The following SLCO3A1 variants were observed in gnomAD, a reference collection of about 807,000 sequenced individuals.
SLCO3A1 encodes the protein solute carrier organic anion transporter family member 3A1.
A neutral mutation model predicts 63.1 loss-of-function variants in SLCO3A1; 27 were observed. The ratio of observed to expected loss-of-function variants is 0.43; its 90% CI spans 0.32 to 0.59. The LOEUF is 0.59. Ranked by LOEUF, SLCO3A1 falls within the 20% of genes least tolerant of loss-of-function variation. The probability of loss-of-function intolerance (pLI) is 0.09; values close to 1 mark genes in which losing one functional copy is unlikely to be tolerated. For missense variants in SLCO3A1, 773 were observed against 945.8 expected (o/e 0.82, Z 2.40); for synonymous variants, 473 against 409.9 (o/e 1.15, Z -1.86).
chr15:92,125,051 A>T (rs2047904829), intron 5 of SLCO3A1, among the ~76,000 whole-genome samples: 1 of 152,200 alleles, frequency 6.6e-6, no homozygotes. Flanking sequence ...GAGATATTAT[A>T]TGTCATTTTA....
intron 2 of SLCO3A1, among the ~76,000 whole-genome samples, chr15:92,054,122 A>G (rs1444660282): frequency 1.3e-5 from 2 of 152,202 alleles, no homozygotes; most frequent in Non-Finnish European, 2.9e-5. Flanking sequence ...TCCTCAAGGC[A>G]TTCCAGCTTT....
rs746253398 is a variant in SLCO3A1 at position 92,147,069 on chromosome 15, A to C, written c.1598A>C (p.Gln533Pro). Residue 533 changes from glutamine to proline, a missense_variant, in exon 8 of 10, where the codon CAA becomes CCA. Transcript: ENST00000318445. Reference protein sequence around the residue: ...VPGKCPSPGCQEAFLTFLCVM... With the variant: ...VPGKCPSPGCPEAFLTFLCVM... The stretch of plus-strand genomic sequence containing the variant: ...GGAAAATGCCCCAGTCCTGGGTGCC[A>C]AGAGGCCTTCCTCACTTTCCTCTGT... The C allele has an allele frequency of 6.2e-7, 1 of 1,614,222 alleles. No homozygotes were observed. Among genetic ancestry groups the C allele is most frequent in the East Asian group, 2.2e-5 (1 of 44,882 alleles).
chr15:92,146,884 G>C, intron 7 of SLCO3A1, 100 bp from the exon 8 acceptor site: 1 of 1,101,298 alleles, frequency 9.1e-7, no homozygotes. Flanking sequence ...GAATGCCACA[G>C]AATGTGTAAT....
chr15:92,116,338 C>T (rs1047215615), intron 4 of SLCO3A1, among the ~76,000 whole-genome samples: 1 of 152,224 alleles, frequency 6.6e-6, no homozygotes. Context: ...TAAAGACTAG[C>T]AGTAGAAAAC....
rs575311890 is a variant in SLCO3A1 at position 91,984,050 on chromosome 15, C to A, written c.646+67592C>A. ...CGCTGTACCTCTGACCCTCCCCAAC[C>A]AAACAAGGGTTCTGTTTATCCAGAC... On this transcript the variant is annotated intron_variant, in intron 2 of 9. Transcript: ENST00000318445. 2.1e-4 allele frequency among the ~76,000 whole-genome samples: 32 copies of A among 152,290 alleles called. No homozygotes were observed. The South Asian group carries it at 3.9e-3, about 19-fold the overall frequency.
In SLCO3A1 at chr15:91,912,706, A is replaced by G. The variant is rs1187344336; in HGVS notation, c.181-3287A>G. Among the ~76,000 whole-genome samples the G allele has an allele frequency of 6.6e-6, 1 of 151,934 alleles. No homozygotes were observed. The highest frequency in any genetic ancestry group is 1.9e-4 in the East Asian group (1 of 5,182). On this transcript the variant is annotated intron_variant, in intron 1 of 9. Coordinates refer to ENST00000318445, the MANE Select transcript of SLCO3A1 (RefSeq NM_013272.4). The surrounding 1 kb of genome is among the most constrained non-coding windows in gnomAD (Gnocchi z 5.0). ...AGCTTCTGTTCTCTCCCTTCCCCCTACTTTGTTACCCTCCAGCCTCATGGT... is the reference window on the plus strand; with the variant it reads ...AGCTTCTGTTCTCTCCCTTCCCCCTGCTTTGTTACCCTCCAGCCTCATGGT...
At chr15:92,092,175 G>A (rs2047485810) in intron 2 of SLCO3A1, among the ~76,000 whole-genome samples, 1 of 152,130 alleles carries the variant, frequency 6.6e-6, no homozygotes, top group Non-Finnish European at 1.5e-5. Flanking sequence ...CAAGCATGGG[G>A]ATAACAGCAC....
intron 2 of SLCO3A1, among the ~76,000 whole-genome samples, chr15:91,931,466 G>T (rs1899225930): frequency 6.6e-6 from 1 of 150,710 alleles, no homozygotes; most frequent in Non-Finnish European, 1.5e-5. Context: ...CTTCTGCTGG[G>T]TTGTATCTTT....
chr15:92,156,315 T>C (rs1213509004), intron 9 of SLCO3A1, among the ~76,000 whole-genome samples: 1 of 152,156 alleles, frequency 6.6e-6, no homozygotes, highest in Non-Finnish European at 1.5e-5. Context: ...TCGGCGAACA[T>C]ATGTTAGGCG....
rs181034642 is a variant in SLCO3A1 at position 91,857,700 on chromosome 15, C to T, written c.180+3612C>T. On this transcript the variant is annotated intron_variant, in intron 1 of 9. Coordinates refer to ENST00000318445, the MANE Select transcript of SLCO3A1 (RefSeq NM_013272.4). ...ACCCCCTAAAATGTTTTAAGCCACT[C>T]GCTGAGGGTAGCCCTGCATATAGAG... Among the ~76,000 whole-genome samples the T allele has an allele frequency of 5.3e-4, 81 of 152,210 alleles. 1 individual carries two copies. Among genetic ancestry groups the T allele is most frequent in the Non-Finnish European group, 9.1e-4 (62 of 68,028 alleles).
intron 2 of SLCO3A1, among the ~76,000 whole-genome samples, chr15:91,979,819 G>C (rs148624216): frequency 1.2e-4 from 19 of 152,118 alleles, no homozygotes; most frequent in Admixed American, 1.1e-3. Flanking sequence ...TTAAATGGTA[G>C]CATCTATTAT....
chr15:92,005,995 G>A (rs757824602), intron 2 of SLCO3A1, among the ~76,000 whole-genome samples: 6 of 152,156 alleles, frequency 3.9e-5, no homozygotes, highest in Non-Finnish European at 7.3e-5. Flanking sequence ...AAAACGTCTT[G>A]TATGTGAAAG....
downstream of SLCO3A1, among the ~76,000 whole-genome samples, chr15:92,166,744 C>T (rs2048495781): frequency 6.6e-6 from 1 of 152,222 alleles, no homozygotes; most frequent in African/African-American, 2.4e-5. Context: ...AGGTCATTCA[C>T]TGAGGAACAT....
intron 1 of SLCO3A1, among the ~76,000 whole-genome samples, chr15:91,887,696 CT>C (rs1897761217): frequency 6.6e-6 from 1 of 152,144 alleles, no homozygotes; most frequent in Admixed American, 6.5e-5. Context: ...TTTTATGTGT[CT>C]TTTTGATGAA....
chr15:91,919,535 G>A (rs1037446846), intron 2 of SLCO3A1, among the ~76,000 whole-genome samples: 1 of 152,250 alleles, frequency 6.6e-6, no homozygotes, highest in South Asian at 2.1e-4. Flanking sequence ...CTACATGGGC[G>A]CAGTGGCAGT....
At chr15:92,107,878 A>G (rs962195759) in intron 4 of SLCO3A1, among the ~76,000 whole-genome samples, 1 of 152,256 alleles carries the variant, frequency 6.6e-6, no homozygotes, top group African/African-American at 2.4e-5. Context: ...AGCCTTGGCC[A>G]CATCACTTAA....
Position 91,872,703 on chromosome 15 carries a change from G to A in SLCO3A1, c.180+18615G>A, listed in dbSNP as rs1314020551. Among the ~76,000 whole-genome samples, 3 of 152,188 alleles carry A rather than the reference G, an allele frequency of 2.0e-5. No homozygotes were observed. The highest frequency in any genetic ancestry group is 4.4e-5 in the Non-Finnish European group (3 of 68,046). On this transcript the variant is annotated intron_variant, in intron 1 of 9. Coordinates refer to ENST00000318445, the MANE Select transcript of SLCO3A1 (RefSeq NM_013272.4). The surrounding 1 kb of genome is among the most constrained non-coding windows in gnomAD (Gnocchi z 4.1). Reference sequence around the variant, plus strand: ...CTGAATGCTTCAGTGTCTTGAGTGTGTTGATATTATTTTAACATGTTACCA... The same window carrying A: ...CTGAATGCTTCAGTGTCTTGAGTGTATTGATATTATTTTAACATGTTACCA...
chr15:91,973,172 G>T (rs899872462), intron 2 of SLCO3A1, among the ~76,000 whole-genome samples: 6 of 152,180 alleles, frequency 3.9e-5, no homozygotes, highest in African/African-American at 1.4e-4. Context: ...GAGGCAAAAG[G>T]GTGGGGATTG....
chr15:91,992,056 TTC>T (rs2046132593), intron 2 of SLCO3A1, among the ~76,000 whole-genome samples: 1 of 152,224 alleles, frequency 6.6e-6, no homozygotes. Context: ...TAAGGGACTT[TTC>T]TCTCTGGAGC....
Sources: gnomAD v4.1 joint callset for allele counts (sites outside exome capture counted in the v4.1 genomes callset) on GRCh38, gnomAD v4.1.1 for gene constraint, Gnocchi (gnomAD v3.1) non-coding constraint, MANE v1.5 for transcripts, NCBI Gene and HGNC (gene_info 2026-07-23, HGNC 2026-07-21) for gene names.